CTNNA2: variants seen among roughly 807,000 people sequenced by gnomAD.
CTNNA2 encodes the protein catenin alpha-2.
In CTNNA2, 42 loss-of-function variants were observed where a neutral mutation model predicts 101.0. That is an observed-to-expected ratio of 0.42 (90% confidence interval 0.32 to 0.54). The LOEUF is 0.54. Among genes scored for constraint, CTNNA2 ranks in the 20% least tolerant of loss-of-function variants. The pLI, the probability that CTNNA2 is intolerant of heterozygous loss-of-function variation, is 0.14. For missense variants in CTNNA2, 871 were observed against 1,223.1 expected (o/e 0.71, Z 4.29); for synonymous variants, 450 against 456.4 (o/e 0.99, Z 0.18).
At chr2:79,359,051 A>C (rs902193254) in intron 3 of CTNNA2, among the ~76,000 whole-genome samples, 2 of 152,188 alleles carry the variant, frequency 1.3e-5, no homozygotes, top group African/African-American at 4.8e-5. Context: ...AAATCCTGGA[A>C]ACACCTGATC....
chr2:79,477,228 T>C (rs1671060209), intron 4 of CTNNA2, among the ~76,000 whole-genome samples: 1 of 150,682 alleles, frequency 6.6e-6, no homozygotes, highest in Non-Finnish European at 1.5e-5. Flanking sequence ...TGGAGTACAG[T>C]GGCGCAATCT....
At chr2:79,550,945 C>T (rs1031885713) in intron 1 of CTNNA2, among the ~76,000 whole-genome samples, 18 of 152,160 alleles carry the variant, frequency 1.2e-4, no homozygotes, top group East Asian at 5.8e-4. Context: ...GGTTCATCAC[C>T]GAAGAGTGGA....
chr2:80,296,096 A>G (rs1347492305), intron 7 of CTNNA2, among the ~76,000 whole-genome samples: 1 of 152,076 alleles, frequency 6.6e-6, no homozygotes, highest in African/African-American at 2.4e-5. Flanking sequence ...AGATGCATAA[A>G]TTTATGGGGT....
intron 1 of CTNNA2, among the ~76,000 whole-genome samples, chr2:79,597,344 C>T (rs1251296661): frequency 6.6e-6 from 1 of 151,812 alleles, no homozygotes; most frequent in Admixed American, 6.6e-5. Flanking sequence ...TGGTGGCGGG[C>T]GCCCGTAGTC....
intron 4 of CTNNA2, among the ~76,000 whole-genome samples, chr2:79,861,795 G>A (rs1331501112): frequency 6.6e-6 from 1 of 152,162 alleles, no homozygotes; most frequent in Admixed American, 6.5e-5. Context: ...TGCCCAGTTA[G>A]CACCCAAGTG....
At chr2:80,400,047 A>T (rs1027039524) in intron 8 of CTNNA2, among the ~76,000 whole-genome samples, 5 of 152,132 alleles carry the variant, frequency 3.3e-5, no homozygotes, top group African/African-American at 4.8e-5. Context: ...ATAATTTTAG[A>T]GTGTGTGGTG....
chr2:80,274,164 T>C (rs1477106189), intron 7 of CTNNA2, among the ~76,000 whole-genome samples: 1 of 151,966 alleles, frequency 6.6e-6, no homozygotes, highest in African/African-American at 2.4e-5. Context: ...ATATTCAGAG[T>C]GTGGTAGCAG....
chr2:80,518,494 T>A (rs1302753984), intron 9 of CTNNA2, among the ~76,000 whole-genome samples: 1 of 152,182 alleles, frequency 6.6e-6, no homozygotes, highest in Non-Finnish European at 1.5e-5. Flanking sequence ...CATGTTGAAA[T>A]GCACAGAAGT....
chr2:79,398,988 G>A (rs1175935573), intron 4 of CTNNA2, among the ~76,000 whole-genome samples: 3 of 152,002 alleles, frequency 2.0e-5, no homozygotes, highest in African/African-American at 7.2e-5. Flanking sequence ...GGTAGACTAT[G>A]AGCCATTGGA....
At chr2:80,420,489 C>T (rs1680431279) in intron 9 of CTNNA2, among the ~76,000 whole-genome samples, 1 of 152,110 alleles carries the variant, frequency 6.6e-6, no homozygotes, top group African/African-American at 2.4e-5. Flanking sequence ...TGATGCATTC[C>T]CACTTTAATT....
intron 3 of CTNNA2, among the ~76,000 whole-genome samples, chr2:79,350,598 C>A (rs901702663): frequency 6.6e-6 from 1 of 152,092 alleles, no homozygotes; most frequent in African/African-American, 2.4e-5. Flanking sequence ...GATCAACATA[C>A]AAGCACAGGA....
intron 1 of CTNNA2, among the ~76,000 whole-genome samples, chr2:79,518,266 A>G (rs1265097898): frequency 2.6e-5 from 4 of 152,160 alleles, no homozygotes; most frequent in African/African-American, 4.8e-5. Flanking sequence ...TAATACATTT[A>G]TGGGATGTAT....
rs1041394641 is a variant in CTNNA2 at position 79,258,919 on chromosome 2, A to C, written c.-405-53790A>C. Among the ~76,000 whole-genome samples, 5 of 150,506 alleles carry C rather than the reference A, an allele frequency of 3.3e-5. No homozygotes were observed. The Admixed American group carries it at 3.3e-4, about 10-fold the overall frequency. ...GAATATGGAGCATGCAGTGAGTTTC[A>C]GTTTTTCCAAGTTAAAGATAAGTGA... On this transcript the variant is annotated intron_variant, in intron 2 of 21. Transcript: ENST00000466387.
intron 1 of CTNNA2, among the ~76,000 whole-genome samples, chr2:79,625,289 A>G (rs1558781117): frequency 6.6e-6 from 1 of 152,142 alleles, no homozygotes; most frequent in Non-Finnish European, 1.5e-5. Context: ...ATTAATGGTG[A>G]TATGATAATT....
intron 9 of CTNNA2, among the ~76,000 whole-genome samples, chr2:80,533,039 C>A (rs949912330): frequency 1.3e-5 from 2 of 152,146 alleles, no homozygotes; most frequent in South Asian, 4.1e-4. Flanking sequence ...AATAAAAATA[C>A]AACCATTATC....
At chr2:79,531,072 A>G (rs917172736) in intron 1 of CTNNA2, among the ~76,000 whole-genome samples, 1 of 151,780 alleles carries the variant, frequency 6.6e-6, no homozygotes, top group Non-Finnish European at 1.5e-5. Flanking sequence ...TGCTTTATAT[A>G]ATAGATGGAC....
At chr2:80,401,322 C>T (rs1178518340) in intron 8 of CTNNA2, among the ~76,000 whole-genome samples, 5 of 152,152 alleles carry the variant, frequency 3.3e-5, no homozygotes, top group Non-Finnish European at 7.3e-5. Context: ...TGCCTCCATT[C>T]TAAACTCACA....
chr2:79,925,815 C>A (rs572337117), intron 7 of CTNNA2, among the ~76,000 whole-genome samples: 3 of 151,970 alleles, frequency 2.0e-5, no homozygotes, highest in South Asian at 2.1e-4. Context: ...TGGAAAAAAA[C>A]CAGATCCTGT....
chr2:79,268,452 T>C (rs1675016310), intron 2 of CTNNA2, among the ~76,000 whole-genome samples: 1 of 152,126 alleles, frequency 6.6e-6, no homozygotes, highest in Non-Finnish European at 1.5e-5. Flanking sequence ...TAACATTCTT[T>C]GTAGTAAGCC....
Sources: allele counts gnomAD v4.1 joint callset (sites outside exome capture counted in the v4.1 genomes callset), GRCh38; gene constraint gnomAD v4.1.1; transcripts MANE v1.5; gene names NCBI Gene and HGNC (gene_info 2026-07-23, HGNC 2026-07-21).